Variants in EPB41 observed in about 807,000 individuals in gnomAD.
The protein encoded by EPB41 is protein 4.1.
Under a neutral mutation model 108.0 loss-of-function variants are expected in EPB41, and 65 were observed. The ratio of observed to expected loss-of-function variants is 0.60; its 90% CI spans 0.49 to 0.74. The LOEUF is 0.74. Among genes scored for constraint, EPB41 ranks in the 30% least tolerant of loss-of-function variants. EPB41 has a pLI of 0.00. For missense variants in EPB41, 875 were observed against 1,037.0 expected (o/e 0.84, Z 2.15); for synonymous variants, 336 against 358.9 (o/e 0.94, Z 0.72).
At chr1:29,029,436 AAG>A (rs1246400830) in intron 7 of EPB41, among the ~76,000 whole-genome samples, 1 of 152,178 alleles carries the variant, frequency 6.6e-6, no homozygotes, top group African/African-American at 2.4e-5. Context: ...ATGGATTTGG[AAG>A]AGACTTTTCC....
chr1:29,037,362 G>A (rs982427408), intron 10 of EPB41, among the ~76,000 whole-genome samples: 2 of 152,118 alleles, frequency 1.3e-5, no homozygotes, highest in East Asian at 1.9e-4. Context: ...GATTACAGGC[G>A]TGAGCCACTG....
rs538948716 is a variant in EPB41, at chr1:28,890,441, G to A, written c.-8+3231G>A. On this transcript the variant is annotated intron_variant, in intron 1 of 16. Coordinates refer to the EPB41 transcript ENST00000347529. ...AGTTTCCCTTTCTGTGAAATGAGTA[G>A]GGGAGATAAGTCTAAAGTCTCTACG... is the stretch of plus-strand genomic sequence containing the variant. 2.6e-5 allele frequency among the ~76,000 whole-genome samples: 4 copies of A among 152,108 alleles called. No homozygotes were observed. In the South Asian group the frequency reaches 8.3e-4, roughly 31 times the overall value.
At chr1:28,895,271 A>G (rs1330070154) in intron 1 of EPB41, among the ~76,000 whole-genome samples, 4 of 151,892 alleles carry the variant, frequency 2.6e-5, no homozygotes, top group Non-Finnish European at 4.4e-5. Flanking sequence ...TATTATTGCC[A>G]TTTATTGGCT....
chr1:29,047,791 TATG>T (rs1270356356), intron 11 of EPB41, among the ~76,000 whole-genome samples: 17 of 150,384 alleles, frequency 1.1e-4, no homozygotes, highest in South Asian at 6.4e-4. Context: ...TGTATGTATG[TATG>T]TATTTATTTT....
chr1:28,919,401 G>C (rs753336444), intron 1 of EPB41, among the ~76,000 whole-genome samples: 38 of 152,036 alleles, frequency 2.5e-4, no homozygotes, highest in Non-Finnish European at 3.4e-4. Flanking sequence ...GTAGGAACTG[G>C]GAGCTTGATA....
In EPB41 at chr1:29,115,867, G is replaced by A; in HGVS notation, c.*6+64G>A. On this transcript the variant is annotated intron_variant, in intron 20 of 20. Transcript: ENST00000343067. This position sits in a 1 kb window ranked among gnomAD's most constrained non-coding sequence, Gnocchi z 4.4. Reference sequence around the variant, plus strand: ...TCCCAGCCTGAGAGGGCTCTGGATGGGACCCTCGGACACACTGGGAGCCCA... The same window carrying A: ...TCCCAGCCTGAGAGGGCTCTGGATGAGACCCTCGGACACACTGGGAGCCCA... 7.9e-6 allele frequency: 10 copies of A among 1,268,272 alleles called. No homozygotes were observed. The highest frequency in any genetic ancestry group is 1.7e-5 in the Admixed American group (1 of 58,132). The allele number at this position is 1,268,272 out of a possible 1,614,324, so 78.6% of individuals were successfully genotyped here.
chr1:29,047,253 C>CTTTTTTTTTTTTTTTTTTTTTTTTTTT (rs755248112), intron 11 of EPB41, among the ~76,000 whole-genome samples: 3 of 100,530 alleles, frequency 3.0e-5, no homozygotes, highest in Non-Finnish European at 5.4e-5. Flanking sequence ...TCTTTCTTTC[C>CTTTTTTTTTTTTTTTTTTTTTTTTTTT]TTTTTTTTTT....
At chr1:28,948,585 A>G (rs532268088) in intron 1 of EPB41, among the ~76,000 whole-genome samples, 267 of 151,972 alleles carry the variant, frequency 1.8e-3, no homozygotes, top group African/African-American at 6.3e-3. Flanking sequence ...GTCCTTTTTA[A>G]GTGATGTAAA....
intron 7 of EPB41, among the ~76,000 whole-genome samples, chr1:29,020,562 C>T (rs1036567918): frequency 6.6e-6 from 1 of 151,884 alleles, no homozygotes; most frequent in Admixed American, 6.6e-5. Context: ...CTTGGGCAAT[C>T]AGTAAAATAG....
upstream of EPB41, chr1:28,911,038 C>A (rs16837769): frequency 5.3e-3 from 5,258 of 985,316 alleles, 221 homozygotes; most frequent in African/African-American, 0.084. Context: ...TGATGGCAGT[C>A]TCTGCAGGGT....
rs759931613 is a variant in EPB41 at position 29,065,102 on chromosome 1, A to G, written c.2128A>G (p.Thr710Ala). 2.8e-5 allele frequency: 45 copies of G among 1,613,816 alleles called. No homozygotes were observed. The South Asian group carries it at 4.9e-4, about 18-fold the overall frequency. ...RPSEWDKRLS[T>A]HSPFRTLNIN... is the part of the protein sequence containing the mutation. ...TAGTGAATGGGATAAACGCTTATCC[A>G]CTCACTCACCCTTCCGAACTCTTAA... The change falls in exon 16 of 21, where the codon ACT becomes GCT. Residue 710 changes from threonine (T) to alanine (A), a missense_variant. Around this residue, in one of 3 missense-constraint regions of EPB41, gnomAD observed 519 missense variants for 627.3 expected, o/e 0.83. Transcript: ENST00000343067.
intron 7 of EPB41, among the ~76,000 whole-genome samples, chr1:29,025,468 A>C (rs1036621200): frequency 2.0e-5 from 3 of 151,998 alleles, no homozygotes; most frequent in African/African-American, 4.8e-5. Context: ...GAAAAAATTC[A>C]AGACAGTACT....
intron 5 of EPB41, among the ~76,000 whole-genome samples, chr1:29,012,220 A>G (rs939979983): frequency 6.6e-6 from 1 of 152,198 alleles, no homozygotes; most frequent in Non-Finnish European, 1.5e-5. Flanking sequence ...GAAAAAGGAT[A>G]TGGGAGTCAG....
rs763248610 is a variant in EPB41, at chr1:29,018,487, A to G, written c.1124+45A>G. 7.0e-7 allele frequency: 1 copy of G among 1,432,534 alleles called. No individual in the cohort carries two copies. The highest frequency in any genetic ancestry group is 9.3e-7 in the Non-Finnish European group (1 of 1,078,258). The allele number at this position is 1,432,534 out of a possible 1,614,324, so 88.7% of individuals were successfully genotyped here. A position where few individuals can be genotyped will look rare whatever the true frequency, so the allele number is the denominator to read the frequency against. On this transcript the variant is annotated intron_variant, in intron 7 of 20. Transcript: ENST00000343067. This position sits in a 1 kb window ranked among gnomAD's most constrained non-coding sequence, Gnocchi z 4.4. ...TTGTTCGGTGTTTGTTTTGGCGATTAGTTTAAACACAACATGGTATTGGTT... is the reference window on the plus strand; with the variant it reads ...TTGTTCGGTGTTTGTTTTGGCGATTGGTTTAAACACAACATGGTATTGGTT...
At chr1:28,943,196 A>T (rs1055901006) in intron 1 of EPB41, among the ~76,000 whole-genome samples, 1 of 152,246 alleles carries the variant, frequency 6.6e-6, no homozygotes, top group African/African-American at 2.4e-5. Context: ...CCATAATAAC[A>T]GTTCCTTTGA....
At chr1:29,100,242 G>A (rs1165233953) in intron 17 of EPB41, among the ~76,000 whole-genome samples, 4 of 151,218 alleles carry the variant, frequency 2.6e-5, no homozygotes, top group Non-Finnish European at 5.9e-5. Flanking sequence ...GCCAAGGCAG[G>A]CGGAGCACGT....
At chr1:28,920,949 T>C (rs2093026171) in intron 1 of EPB41, among the ~76,000 whole-genome samples, 1 of 152,074 alleles carries the variant, frequency 6.6e-6, no homozygotes, top group Admixed American at 6.6e-5. Flanking sequence ...TTTTTAAAAA[T>C]TTATATGGGG....
Position 29,018,781 on chromosome 1 carries a change from A to G in EPB41, c.1124+339A>G, listed in dbSNP as rs1217339258. Among the ~76,000 whole-genome samples, 1 of 152,166 alleles carries G rather than the reference A, an allele frequency of 6.6e-6. No homozygotes were observed. The highest frequency in any genetic ancestry group is 1.5e-5 in the Non-Finnish European group (1 of 68,014). On this transcript the variant is annotated intron_variant, in intron 7 of 20. Transcript: ENST00000343067. This position sits in a 1 kb window ranked among gnomAD's most constrained non-coding sequence, Gnocchi z 4.4. ...GATTTAAAGCTAATTATGCTGCATT[A>G]GGTACCTTGAGATCCTTAGAGCAGG...
At chr1:28,898,744 G>A (rs1192090774) in intron 1 of EPB41, among the ~76,000 whole-genome samples, 2 of 152,208 alleles carry the variant, frequency 1.3e-5, no homozygotes, top group African/African-American at 2.4e-5. Context: ...CCCCTTGCCC[G>A]CCTTGGCCTT....
Sources: allele counts gnomAD v4.1 joint callset (sites outside exome capture counted in the v4.1 genomes callset), GRCh38; gene constraint gnomAD v4.1.1; regional missense constraint gnomAD v4.1.1; non-coding constraint Gnocchi (gnomAD v3.1); transcripts MANE v1.5; gene names NCBI Gene and HGNC (gene_info 2026-07-23, HGNC 2026-07-21).